Variants in RAET1E observed in about 807,000 individuals in gnomAD.
RAET1E encodes the protein NKG2D ligand 4.
In RAET1E, 27 loss-of-function variants were observed where a neutral mutation model predicts 21.1. The ratio of observed to expected loss-of-function variants is 1.28; its 90% CI spans 0.94 to 1.76. The LOEUF is 1.76. Ranked by LOEUF, RAET1E falls within the 40% of genes most tolerant of loss-of-function variation. The pLI is 0.00. For missense variants in RAET1E, 310 were observed against 311.3 expected, an observed-to-expected ratio of 1.00 and a Z score of 0.03; for synonymous variants, 113 against 115.0, an observed-to-expected ratio of 0.98 and a Z score of 0.11.
chr6:149,895,452 G>T (rs116355742), intron 2 of RAET1E: 1 of 152,218 alleles, frequency 6.6e-6, no homozygotes, highest in Non-Finnish European at 1.5e-5. Context: ...AGTGGGCTCC[G>T]CCCAGTTCCA....
At chr6:149,892,750 T>C (rs964155202) in intron 2 of RAET1E, among the ~76,000 whole-genome samples, 1 of 152,246 alleles carries the variant, frequency 6.6e-6, no homozygotes, top group Non-Finnish European at 1.5e-5. Flanking sequence ...TTGCCAGTGC[T>C]TTTGGTGTTT....
At chr6:149,892,407 G>A (rs1186200151) in intron 2 of RAET1E, among the ~76,000 whole-genome samples, 2 of 152,184 alleles carry the variant, frequency 1.3e-5, no homozygotes, top group African/African-American at 4.8e-5. Flanking sequence ...ATTCTAACTG[G>A]CGTGAGATGG....
chr6:149,885,379 GC>G lies in RAET1E; in HGVS notation c.*3118del, dbSNP rs1293995535. 6.6e-6 allele frequency among the ~76,000 whole-genome samples: 1 copy of G among 152,132 alleles called. No homozygotes were observed. Among genetic ancestry groups the G allele is most frequent in the Non-Finnish European group, 1.5e-5 (1 of 68,022 alleles). On this transcript the variant is annotated 3_prime_UTR_variant, in exon 6 of 6. Transcript: ENST00000357183. ...CTCCTGTTGGCCAGGGACAGAGAGG[GC>G]TCAACTTGACCCAGAGCTAAGCCTC...
At chr6:149,888,973 T>C in intron 5 of RAET1E, 1 of 851,734 alleles carries the variant, frequency 1.2e-6, no homozygotes, top group Non-Finnish European at 1.7e-6. Flanking sequence ...TGGTGCTTAA[T>C]TCTGTGTGGG....
chr6:149,891,484 T>TTGTG (rs58899076), intron 2 of RAET1E, among the ~76,000 whole-genome samples: 22,787 of 149,756 alleles, frequency 0.15, 2,275 homozygotes, highest in East Asian at 0.55. Flanking sequence ...CAGATGGGTT[T>TTGTG]TGTGTGTGTG....
chr6:149,888,191 C>A lies in RAET1E; in HGVS notation c.*307G>T, dbSNP rs750609388. On this transcript the variant is annotated 3_prime_UTR_variant, in exon 6 of 6. Transcript: ENST00000357183. ...GGGTGAACGGGAAAAGGGGATGGGA[C>A]CTGCTGAGCTAAATCACGGTAAACG... The A allele has an allele frequency of 1.3e-5, 8 of 608,076 alleles. No individual in the cohort carries two copies. In the East Asian group the frequency reaches 2.0e-4, roughly 15 times the overall value. The allele number at this position is 608,076 out of a possible 1,614,324, so 37.7% of individuals were successfully genotyped here.
chr6:149,894,264 C>T (rs1778027096), intron 2 of RAET1E, among the ~76,000 whole-genome samples: 1 of 152,190 alleles, frequency 6.6e-6, no homozygotes, highest in Non-Finnish European at 1.5e-5. Context: ...CAGAACTCCT[C>T]TTCTTGAGGA....
chr6:149,890,548 T>C (rs4869763), intron 3 of RAET1E, among the ~76,000 whole-genome samples: 67,330 of 151,930 alleles, frequency 0.44, 15,628 homozygotes, highest in East Asian at 0.88. Flanking sequence ...TGAATTCCTG[T>C]GGGGTCCCAG....
Position 149,889,444 on chromosome 6 carries a change from C to T in RAET1E, c.526G>A (p.Gly176Arg), listed in dbSNP as rs768877474. The T allele has an allele frequency of 5.0e-6, 8 of 1,614,076 alleles. No individual in the cohort carries two copies. The African/African-American group carries it at 1.1e-4, about 22-fold the overall frequency. ...KIKETWKKDR[G>R]LEKYFRKLSK... ...AGCTTCCTGAAATACTTTTCCAGCC[C>T]TCTGTCTTTCTTCCATGTCTCCTTG... Residue 176 changes from glycine to arginine, a missense_variant, in exon 5 of 6, where the codon GGG becomes AGG. Transcript: ENST00000357183.
chr6:149,889,753 T>C, intron 4 of RAET1E, 130 bp from the exon 5 acceptor site: 1 of 1,479,204 alleles, frequency 6.8e-7, no homozygotes, highest in African/African-American at 1.4e-5. Context: ...TTCCTGCCCA[T>C]TGGGTCCCAT....
Position 149,884,565 on chromosome 6 carries a change from T to A in RAET1E, c.*3933A>T. 8.3e-6 allele frequency: 12 copies of A among 1,448,874 alleles called. No individual in the cohort carries two copies. Among genetic ancestry groups the A allele is most frequent in the African/African-American group, 1.4e-5 (1 of 71,360 alleles). 89.8% of individuals were successfully genotyped at this position (1,448,874 alleles called of 1,614,324 possible). ...GTCAGATCAGCTCAGGATTGACCCC[T>A]CCGTGATCTCTCAGGACTCAGATCC... On this transcript the variant is annotated 3_prime_UTR_variant, in exon 6 of 6. Transcript: ENST00000357183.
rs948221432 is a variant in RAET1E at position 149,886,238 on chromosome 6, T to A, written c.*2260A>T. On this transcript the variant is annotated 3_prime_UTR_variant, in exon 6 of 6. Transcript: ENST00000357183. ...ACTTTCTAGTTTTCCTTGTACTTTT[T>A]AATTTGATATATAGTTATTTGGAAG... 3.3e-5 allele frequency among the ~76,000 whole-genome samples: 5 copies of A among 152,238 alleles called. No individual in the cohort carries two copies. The highest frequency in any genetic ancestry group is 5.9e-5 in the Non-Finnish European group (4 of 68,034).
Position 149,884,806 on chromosome 6 carries a change from G to T in RAET1E, c.*3692C>A, listed in dbSNP as rs1298125100. ...AAGAGTCTTCCAGCTGTGGGCAAGGGTATCCCTGCGGCAGGTCCAGAGCAC... is the reference window on the plus strand; with the variant it reads ...AAGAGTCTTCCAGCTGTGGGCAAGGTTATCCCTGCGGCAGGTCCAGAGCAC... On this transcript the variant is annotated 3_prime_UTR_variant, in exon 6 of 6. Transcript: ENST00000357183. Among the ~76,000 whole-genome samples, 1 of 152,196 alleles carries T rather than the reference G, an allele frequency of 6.6e-6. No homozygotes were observed. Among genetic ancestry groups the T allele is most frequent in the South Asian group, 2.1e-4 (1 of 4,836 alleles).
rs564989628 is a variant in RAET1E at position 149,887,968 on chromosome 6, G to A, written c.*530C>T. ...TGTAATCCCAGCGCTTTGGGAGGCC[G>A]AGGCGGGAGCATCACCTGAGGTCGG... On this transcript the variant is annotated 3_prime_UTR_variant, in exon 6 of 6. Coordinates refer to ENST00000357183, the MANE Select transcript of RAET1E (RefSeq NM_001394057.1). Among the ~76,000 whole-genome samples, 7 of 152,314 alleles carry A rather than the reference G, an allele frequency of 4.6e-5. No homozygotes were observed. The highest frequency in any genetic ancestry group is 1.9e-4 in the East Asian group (1 of 5,178).
chr6:149,896,782 C>T (rs1362717072), intron 1 of RAET1E, among the ~76,000 whole-genome samples: 1 of 152,002 alleles, frequency 6.6e-6, no homozygotes, highest in Non-Finnish European at 1.5e-5. Context: ...CACACCAGGC[C>T]TATACTTGGG....
rs553910148 is a variant in RAET1E at position 149,893,961 on chromosome 6, A to G, written c.-134+1885T>C. Among the ~76,000 whole-genome samples the G allele has an allele frequency of 2.0e-5, 3 of 152,250 alleles. No individual in the cohort carries two copies. The East Asian group carries it at 5.8e-4, about 29-fold the overall frequency. On this transcript the variant is annotated intron_variant, in intron 2 of 5. Transcript: ENST00000357183. Reference sequence around the variant, plus strand: ...CTTTTCTGCATCTATTGAGATAATCATGTGGTTTTTGTCATCGGTTCTGTT... The same window carrying G: ...CTTTTCTGCATCTATTGAGATAATCGTGTGGTTTTTGTCATCGGTTCTGTT...
chr6:149,886,660 G>T lies in RAET1E; in HGVS notation c.*1838C>A, dbSNP rs1562462317. ...TCCACCCAACTTGGCCTCCCAAAGTGCTGGGATTACAGGAGTGAGCTATCA... is the reference window on the plus strand; with the variant it reads ...TCCACCCAACTTGGCCTCCCAAAGTTCTGGGATTACAGGAGTGAGCTATCA... On this transcript the variant is annotated 3_prime_UTR_variant, in exon 6 of 6. Transcript: ENST00000357183. Among the ~76,000 whole-genome samples, 1 of 152,214 alleles carries T rather than the reference G, an allele frequency of 6.6e-6. No individual in the cohort carries two copies. The highest frequency in any genetic ancestry group is 6.5e-5 in the Admixed American group (1 of 15,280).
At position 149,884,654 on chromosome 6, in the gene RAET1E, T is replaced by G. The variant is rs1254631402; in HGVS notation, c.*3844A>C. 5 of 701,108 alleles carry G rather than the reference T, an allele frequency of 7.1e-6. No individual in the cohort carries two copies. In the African/African-American group the frequency reaches 8.7e-5, roughly 12 times the overall value. 43.4% of individuals were successfully genotyped at this position (701,108 alleles called of 1,614,324 possible). ...CATTCTGCCTCTCTGTCATCTAGTT[T>G]ATGATTGTTCACTTTCCGTTACTTC... is the stretch of plus-strand genomic sequence containing the variant. On this transcript the variant is annotated 3_prime_UTR_variant, in exon 6 of 6. Transcript: ENST00000357183.
At chr6:149,894,719 A>G (rs1474463975) in intron 2 of RAET1E, among the ~76,000 whole-genome samples, 1 of 152,096 alleles carries the variant, frequency 6.6e-6, no homozygotes, top group Non-Finnish European at 1.5e-5. Context: ...TTGTTAGAAC[A>G]TGCTCCTTTA....
Sources: allele counts gnomAD v4.1 joint callset (sites outside exome capture counted in the v4.1 genomes callset), GRCh38; gene constraint gnomAD v4.1.1; transcripts MANE v1.5; gene names NCBI Gene and HGNC (gene_info 2026-07-23, HGNC 2026-07-21).